Variants in ATXN7L1 observed in about 807,000 individuals in gnomAD.
ATXN7L1 encodes ataxin-7-like protein 1.
In ATXN7L1, 15 loss-of-function variants were observed where a neutral mutation model predicts 70.8. The observed-to-expected ratio is 0.21, with a 90% confidence interval of 0.14 to 0.33. The LOEUF (loss-of-function observed/expected upper bound fraction) is 0.33, where lower values mean the gene tolerates loss of function less well. Ranked by LOEUF, ATXN7L1 falls within the 10% of genes least tolerant of loss-of-function variation. The pLI, the probability that ATXN7L1 is intolerant of heterozygous loss-of-function variation, is 1.00. For synonymous variants in ATXN7L1, 440 were observed against 445.1 expected, an observed-to-expected ratio of 0.99 and a Z score of 0.14; for missense variants, 975 against 1,097.1, an observed-to-expected ratio of 0.89 and a Z score of 1.57.
chr7:105,622,356 G>C (rs892423483), intron 8 of ATXN7L1, among the ~76,000 whole-genome samples: 7 of 152,226 alleles, frequency 4.6e-5, no homozygotes, highest in African/African-American at 1.7e-4. Context: ...CTCAGGAGCT[G>C]GAGGCACCGT....
chr7:105,754,751 T>C (rs1032011113), intron 3 of ATXN7L1, among the ~76,000 whole-genome samples: 5 of 152,222 alleles, frequency 3.3e-5, no homozygotes, highest in Admixed American at 1.3e-4. Context: ...TGAGCCACCA[T>C]ACTCAGTCTA....
intron 3 of ATXN7L1, among the ~76,000 whole-genome samples, chr7:105,751,709 GA>G (rs1799236955): frequency 6.6e-6 from 1 of 152,184 alleles, no homozygotes; most frequent in Non-Finnish European, 1.5e-5. Context: ...GTAAACCCAG[GA>G]ATTTGCATTT....
intron 4 of ATXN7L1, among the ~76,000 whole-genome samples, chr7:105,648,946 G>T (rs1384083711): frequency 7.2e-6 from 1 of 139,768 alleles, no homozygotes; most frequent in Non-Finnish European, 1.5e-5. Context: ...GGTGAGACCT[G>T]GGAGGGGGTG....
chr7:105,852,598 C>A (rs1815037103), intron 2 of ATXN7L1, among the ~76,000 whole-genome samples: 1 of 152,044 alleles, frequency 6.6e-6, no homozygotes, highest in South Asian at 2.1e-4. Context: ...AGCAATCCTG[C>A]ACAGGGCCCT....
intron 2 of ATXN7L1, among the ~76,000 whole-genome samples, chr7:105,827,795 T>C (rs533698525): frequency 3.8e-4 from 58 of 152,294 alleles, no homozygotes; most frequent in African/African-American, 1.3e-3. Flanking sequence ...TTTTCCCAAA[T>C]TGAATTTATC....
chr7:105,679,076 G>A (rs1346585928), intron 3 of ATXN7L1: 4 of 985,834 alleles, frequency 4.1e-6, no homozygotes, highest in South Asian at 9.4e-5. Flanking sequence ...CTGCCTTGCC[G>A]TTTGGATAAG....
chr7:105,846,471 T>A (rs1814059054), intron 2 of ATXN7L1, among the ~76,000 whole-genome samples: 1 of 152,130 alleles, frequency 6.6e-6, no homozygotes, highest in Non-Finnish European at 1.5e-5. Context: ...TAATAACAAA[T>A]GTTGGTAAGG....
intron 3 of ATXN7L1, among the ~76,000 whole-genome samples, chr7:105,778,535 A>AAAC (rs1554460035): frequency 3.4e-5 from 5 of 146,806 alleles, no homozygotes; most frequent in Admixed American, 6.8e-5. Flanking sequence ...AAAAAAAAAA[A>AAAC]CAAAGACTAA....
intron 4 of ATXN7L1, chr7:105,649,360 G>A (rs898228026): frequency 5.1e-6 from 5 of 987,126 alleles, no homozygotes; most frequent in Non-Finnish European, 6.0e-6. Context: ...ACCCAATGCC[G>A]AGAACACCCT....
At chr7:105,704,053 C>G (rs1398978578) in intron 3 of ATXN7L1, among the ~76,000 whole-genome samples, 1 of 152,192 alleles carries the variant, frequency 6.6e-6, no homozygotes, top group African/African-American at 2.4e-5. Context: ...TCTTTTACAA[C>G]CTTTTACGCT....
intron 3 of ATXN7L1, among the ~76,000 whole-genome samples, chr7:105,675,089 G>A (rs1474480379): frequency 6.6e-6 from 1 of 151,836 alleles, no homozygotes; most frequent in Non-Finnish European, 1.5e-5. Flanking sequence ...TTGGAAAATA[G>A]GCCTCCAGGA....
chr7:105,612,646 A>G (rs937645197), intron 10 of ATXN7L1, among the ~76,000 whole-genome samples: 2 of 152,076 alleles, frequency 1.3e-5, no homozygotes, highest in East Asian at 3.9e-4. Flanking sequence ...GGGGAGTCAG[A>G]ACAGTGCCCT....
At chr7:105,870,275 C>T (rs887847133) in intron 2 of ATXN7L1, among the ~76,000 whole-genome samples, 5 of 53,980 alleles carry the variant, frequency 9.3e-5, no homozygotes, top group African/African-American at 4.1e-4. Flanking sequence ...GAGGGAGACT[C>T]CATTTCAAAA....
In ATXN7L1 at chr7:105,740,784, T is replaced by TTTTTTTTTTTTTTTTG. The variant is rs556048408; in HGVS notation, c.355+47819_355+47820insCAAAAAAAAAAAAAAA. On this transcript the variant is annotated intron_variant, in intron 3 of 11. Transcript: ENST00000419735. ...GGCTCCATTCATTTTTTTTTTTTTT[T>TTTTTTTTTTTTTTTTG]AATGGAGTCTCACTCTGTCGCCCAG... Among the ~76,000 whole-genome samples the TTTTTTTTTTTTTTTTG allele has an allele frequency of 1.8e-3, 138 of 77,910 alleles. 34 individuals are homozygous for TTTTTTTTTTTTTTTTG. Among genetic ancestry groups the TTTTTTTTTTTTTTTTG allele is most frequent in the African/African-American group, 8.1e-3 (132 of 16,350 alleles). The allele number at this position is 77,910 out of a possible 152,430, so 51.1% of individuals were successfully genotyped here. A position where few individuals can be genotyped will look rare whatever the true frequency, so the allele number is the denominator to read the frequency against.
In ATXN7L1 at chr7:105,606,545, C is replaced by T. The variant is rs1229550902; in HGVS notation, c.*1307G>A. ...AACACCTATTTTATGTTGTGAATTC[C>T]TTTCCTGATTATGATTCCCTACTAG... On this transcript the variant is annotated 3_prime_UTR_variant, in exon 12 of 12. Transcript: ENST00000419735. The T allele has an allele frequency of 6.6e-6, 1 of 152,202 alleles. No individual in the cohort carries two copies. Among genetic ancestry groups the T allele is most frequent in the Non-Finnish European group, 1.5e-5 (1 of 68,044 alleles). 9.4% of individuals were successfully genotyped at this position (152,202 alleles called of 1,614,324 possible). A position where few individuals can be genotyped will look rare whatever the true frequency, so the allele number is the denominator to read the frequency against.
intron 2 of ATXN7L1, among the ~76,000 whole-genome samples, chr7:105,817,800 C>T (rs1261269613): frequency 1.3e-5 from 2 of 152,174 alleles, no homozygotes; most frequent in Non-Finnish European, 2.9e-5. Context: ...GTGGTACACA[C>T]TTGCAGTTTC....
intron 3 of ATXN7L1, among the ~76,000 whole-genome samples, chr7:105,674,697 G>A (rs1384737523): frequency 1.3e-5 from 2 of 152,204 alleles, no homozygotes; most frequent in Non-Finnish European, 2.9e-5. Flanking sequence ...CCATTCCAGA[G>A]CTGCTGTGAA....
chr7:105,610,232 G>C (rs1172449242), intron 11 of ATXN7L1, among the ~76,000 whole-genome samples: 2 of 152,214 alleles, frequency 1.3e-5, no homozygotes, highest in Non-Finnish European at 2.9e-5. Context: ...TGGGTTTACT[G>C]TGTGCCAGGC....
intron 3 of ATXN7L1, among the ~76,000 whole-genome samples, chr7:105,744,557 C>A (rs1317096438): frequency 6.6e-6 from 1 of 151,938 alleles, no homozygotes; most frequent in Non-Finnish European, 1.5e-5. Flanking sequence ...AGATCTTACC[C>A]CCTTAAAAAA....
Sources: gnomAD v4.1 joint callset for allele counts (sites outside exome capture counted in the v4.1 genomes callset) on GRCh38, gnomAD v4.1.1 for gene constraint, MANE v1.5 for transcripts, NCBI Gene and HGNC (gene_info 2026-07-23, HGNC 2026-07-21) for gene names.